ST6GALNAC3: variants seen among roughly 807,000 people sequenced by gnomAD.
ST6GALNAC3 encodes the protein ST6 N-acetylgalactosaminide alpha-2,6-sialyltransferase 3.
A neutral mutation model predicts 32.7 loss-of-function variants in ST6GALNAC3; 25 were observed. The observed-to-expected ratio is 0.76, with a 90% CI of 0.56 to 1.07. The LOEUF (loss-of-function observed/expected upper bound fraction) is 1.07. Among genes scored for constraint, ST6GALNAC3 ranks in the 50% least tolerant of loss-of-function variants. The pLI, the probability that ST6GALNAC3 is intolerant of heterozygous loss-of-function variation, is 0.00. For missense variants in ST6GALNAC3, 355 were observed against 382.4 expected (o/e 0.93, Z 0.60); for synonymous variants, 129 against 133.1 (o/e 0.97, Z 0.21).
At chr1:76,515,851 A>G (rs1662140183) in intron 3 of ST6GALNAC3, among the ~76,000 whole-genome samples, 1 of 152,008 alleles carries the variant, frequency 6.6e-6, no homozygotes, top group South Asian at 2.1e-4. Flanking sequence ...TGGATGTTCT[A>G]TTTTCAGTTG....
intron 1 of ST6GALNAC3, among the ~76,000 whole-genome samples, chr1:76,249,211 C>A (rs1264831882): frequency 6.6e-6 from 1 of 152,134 alleles, no homozygotes; most frequent in African/African-American, 2.4e-5. Context: ...TGCTTTATTT[C>A]TTCAACCTTC....
At chr1:76,201,678 A>G (rs1184878812) in intron 1 of ST6GALNAC3, among the ~76,000 whole-genome samples, 1 of 152,216 alleles carries the variant, frequency 6.6e-6, no homozygotes, top group Non-Finnish European at 1.5e-5. Flanking sequence ...AGACTGGAAT[A>G]AACTACATTT....
chr1:76,285,657 G>T (rs1359946652), intron 1 of ST6GALNAC3, among the ~76,000 whole-genome samples: 1 of 151,968 alleles, frequency 6.6e-6, no homozygotes, highest in Non-Finnish European at 1.5e-5. Flanking sequence ...ACTCATGAGG[G>T]CAGAAGTGAC....
Position 76,630,448 on chromosome 1 carries a change from T to A in ST6GALNAC3, c.*1642T>A. 1.0e-6 allele frequency: 1 copy of A among 985,248 alleles called. No individual in the cohort carries two copies. The highest frequency in any genetic ancestry group is 1.2e-6 in the Non-Finnish European group (1 of 829,840). 61.0% of individuals were successfully genotyped at this position (985,248 alleles called of 1,614,324 possible). Reference sequence around the variant, plus strand: ...GATTGAGACAATTCTATTTTTCATATACTCGTTGCTCATTAAATAGTAAAG... The same window carrying A: ...GATTGAGACAATTCTATTTTTCATAAACTCGTTGCTCATTAAATAGTAAAG... On this transcript the variant is annotated 3_prime_UTR_variant, in exon 5 of 5. Transcript: ENST00000328299.
At chr1:76,226,696 T>C (rs779264622) in intron 1 of ST6GALNAC3, among the ~76,000 whole-genome samples, 1 of 151,772 alleles carries the variant, frequency 6.6e-6, no homozygotes, top group Non-Finnish European at 1.5e-5. Context: ...AGAGAGAGAG[T>C]TGGGGGTGGG....
At chr1:76,145,435 C>T (rs1335737) in intron 1 of ST6GALNAC3, among the ~76,000 whole-genome samples, 79,454 of 151,954 alleles carry the variant, frequency 0.52, 23,429 homozygotes, top group East Asian at 0.87. Flanking sequence ...TTGTTGGACA[C>T]GTGGAGTCTC....
rs1393300240 is a variant in ST6GALNAC3, at chr1:76,224,922, G to A, written c.19-88883G>A. On this transcript the variant is annotated intron_variant, in intron 1 of 4. Coordinates refer to ENST00000328299, the MANE Select transcript of ST6GALNAC3 (RefSeq NM_152996.4). ...CATCTGATGACAGCAGAAAACCCAG[G>A]GGGATCAGCATGGTTTATTTCAGAC... 4.6e-5 allele frequency among the ~76,000 whole-genome samples: 7 copies of A among 152,200 alleles called. 1 individual carries two copies. Among genetic ancestry groups the A allele is most frequent in the African/African-American group, 1.4e-4 (6 of 41,516 alleles).
intron 3 of ST6GALNAC3, among the ~76,000 whole-genome samples, chr1:76,458,730 T>A (rs1658043987): frequency 1.0e-5 from 1 of 95,768 alleles, no homozygotes; most frequent in Admixed American, 1.4e-4. Flanking sequence ...CTCTGGGGAC[T>A]GTTGTGGGGT....
intron 2 of ST6GALNAC3, among the ~76,000 whole-genome samples, chr1:76,341,897 C>T (rs986406411): frequency 5.3e-5 from 8 of 151,882 alleles, no homozygotes; most frequent in African/African-American, 1.9e-4. Context: ...GTGTGATGTT[C>T]CCCTCCCTGT....
intron 3 of ST6GALNAC3, among the ~76,000 whole-genome samples, chr1:76,582,892 A>G (rs910841881): frequency 6.6e-6 from 1 of 152,102 alleles, no homozygotes; most frequent in Admixed American, 6.6e-5. Flanking sequence ...AGCAGACAAT[A>G]CTTTATTTCT....
intron 1 of ST6GALNAC3, among the ~76,000 whole-genome samples, chr1:76,295,976 A>AT (rs1174030900): frequency 6.6e-6 from 1 of 151,948 alleles, no homozygotes; most frequent in African/African-American, 2.4e-5. Flanking sequence ...TGCACCTCCT[A>AT]TTTTTTAAGT....
intron 3 of ST6GALNAC3, among the ~76,000 whole-genome samples, chr1:76,512,704 CCT>C (rs1661941026): frequency 6.6e-6 from 1 of 152,108 alleles, no homozygotes; most frequent in African/African-American, 2.4e-5. Context: ...CGTTGACCAG[CCT>C]CTCTCTATCC....
chr1:76,535,119 A>G (rs1663516131), intron 3 of ST6GALNAC3, among the ~76,000 whole-genome samples: 2 of 152,216 alleles, frequency 1.3e-5, no homozygotes, highest in Non-Finnish European at 2.9e-5. Context: ...ACACAGGGTT[A>G]GGGAAAGAGA....
chr1:76,266,089 G>A (rs957248596), intron 1 of ST6GALNAC3, among the ~76,000 whole-genome samples: 1 of 152,174 alleles, frequency 6.6e-6, no homozygotes, highest in African/African-American at 2.4e-5. Context: ...TGTTCAGGGG[G>A]CACTTAACTG....
At chr1:76,493,079 CTTCATTTT>C (rs1445553248) in intron 3 of ST6GALNAC3, among the ~76,000 whole-genome samples, 47 of 151,182 alleles carry the variant, frequency 3.1e-4, no homozygotes, top group Non-Finnish European at 4.6e-4. Flanking sequence ...CTCTCTTATA[CTTCATTTT>C]ACTTCCCACC....
At chr1:76,151,684 C>A (rs1651053904) in intron 1 of ST6GALNAC3, among the ~76,000 whole-genome samples, 3 of 152,190 alleles carry the variant, frequency 2.0e-5, no homozygotes, top group Admixed American at 2.0e-4. Context: ...GTTCTGCTGG[C>A]CAGAGAACCT....
At chr1:76,220,618 G>T (rs1209227574) in intron 1 of ST6GALNAC3, among the ~76,000 whole-genome samples, 1 of 152,186 alleles carries the variant, frequency 6.6e-6, no homozygotes, top group Non-Finnish European at 1.5e-5. Flanking sequence ...ATGATCTAAT[G>T]CTGACTTGGT....
chr1:76,425,987 C>T (rs545123386), intron 3 of ST6GALNAC3, among the ~76,000 whole-genome samples: 5 of 151,832 alleles, frequency 3.3e-5, no homozygotes, highest in South Asian at 2.1e-4. Context: ...ATAATATAGA[C>T]GATGAATCAT....
chr1:76,519,020 C>T (rs539341509), intron 3 of ST6GALNAC3, among the ~76,000 whole-genome samples: 49 of 152,214 alleles, frequency 3.2e-4, no homozygotes, highest in African/African-American at 8.7e-4. Flanking sequence ...GAGCCAAGAT[C>T]GTGCCACGAA....
Sources: allele counts gnomAD v4.1 joint callset (sites outside exome capture counted in the v4.1 genomes callset), GRCh38; gene constraint gnomAD v4.1.1; transcripts MANE v1.5; gene names NCBI Gene and HGNC (gene_info 2026-07-23, HGNC 2026-07-21).